Variants in GALNT13 observed in about 807,000 individuals in gnomAD.
GALNT13 encodes the protein polypeptide N-acetylgalactosaminyltransferase 13, also known as UDP-GalNAc:polypeptide N-acetylgalactosaminyltransferase 13.
A neutral mutation model predicts 64.2 loss-of-function variants in GALNT13; 28 were observed. That is an observed-to-expected ratio of 0.44 (90% CI 0.32 to 0.60). The LOEUF (loss-of-function observed/expected upper bound fraction) is 0.60, where lower values mean the gene tolerates loss of function less well. Ranked by LOEUF, GALNT13 falls within the 20% of genes least tolerant of loss-of-function variation. The pLI, the probability that GALNT13 is intolerant of heterozygous loss-of-function variation, is 0.05. For synonymous variants in GALNT13, 214 were observed against 224.6 expected, an observed-to-expected ratio of 0.95 and a Z score of 0.42; for missense variants, 577 against 669.8, an observed-to-expected ratio of 0.86 and a Z score of 1.53.
chr2:153,479,223 C>G, the GALNT13 span, among the ~76,000 whole-genome samples: 1 of 152,156 alleles, frequency 6.6e-6, no homozygotes, highest in East Asian at 1.9e-4. Flanking sequence ...GCTGAGGCCA[C>G]CCGCCCACTG....
the GALNT13 span, among the ~76,000 whole-genome samples, chr2:153,689,535 T>C: frequency 1.3e-5 from 2 of 152,088 alleles, no homozygotes; most frequent in African/African-American, 4.8e-5. Flanking sequence ...TATACTTTTT[T>C]ATCTTCTAGC....
chr2:153,977,559 C>T (rs1475566602), intron 3 of GALNT13, among the ~76,000 whole-genome samples: 2 of 152,148 alleles, frequency 1.3e-5, no homozygotes, highest in South Asian at 4.1e-4. Context: ...ATTACCTCCA[C>T]CTGGTCCCTC....
At chr2:153,392,648 C>T in the GALNT13 span, among the ~76,000 whole-genome samples, 2 of 151,982 alleles carry the variant, frequency 1.3e-5, no homozygotes, top group African/African-American at 4.8e-5. Context: ...GGAGATCAGT[C>T]TTTTTTCTCC....
chr2:153,873,830 C>G (rs1192878771), intron 1 of GALNT13, among the ~76,000 whole-genome samples: 1 of 151,822 alleles, frequency 6.6e-6, no homozygotes, highest in African/African-American at 2.4e-5. Context: ...CTCTCTTTCT[C>G]TCTCTCTCTT....
At chr2:154,150,900 T>C (rs898247593) in intron 4 of GALNT13, among the ~76,000 whole-genome samples, 3 of 152,172 alleles carry the variant, frequency 2.0e-5, no homozygotes, top group Non-Finnish European at 4.4e-5. Flanking sequence ...TCATTAATTT[T>C]TTGAAGGGTT....
At chr2:153,750,457 T>C in the GALNT13 span, among the ~76,000 whole-genome samples, 1 of 151,876 alleles carries the variant, frequency 6.6e-6, no homozygotes, top group Non-Finnish European at 1.5e-5. Flanking sequence ...AGTCCTGGGA[T>C]TTTGTTTACT....
At chr2:153,654,188 A>G in the GALNT13 span, among the ~76,000 whole-genome samples, 2 of 152,158 alleles carry the variant, frequency 1.3e-5, no homozygotes, top group Non-Finnish European at 2.9e-5. Flanking sequence ...GAAATGCAGA[A>G]AACATTACAA....
intron 9 of GALNT13, among the ~76,000 whole-genome samples, chr2:154,335,517 T>C (rs1695394209): frequency 6.6e-6 from 1 of 152,012 alleles, no homozygotes; most frequent in Non-Finnish European, 1.5e-5. Context: ...AGTTTCCTGT[T>C]GTATAGGTGA....
chr2:154,179,462 TTC>T (rs1685837877), intron 4 of GALNT13, among the ~76,000 whole-genome samples: 1 of 152,152 alleles, frequency 6.6e-6, no homozygotes, highest in South Asian at 2.1e-4. Flanking sequence ...TTCCTGTTGA[TTC>T]TCTCATACTC....
At chr2:153,173,885 G>C in the GALNT13 span, among the ~76,000 whole-genome samples, 1 of 152,098 alleles carries the variant, frequency 6.6e-6, no homozygotes, top group Admixed American at 6.5e-5. Context: ...TGTGAAACCA[G>C]ACAAGTTCTA....
the GALNT13 span, among the ~76,000 whole-genome samples, chr2:153,552,538 G>T: frequency 1.4e-5 from 2 of 148,144 alleles, no homozygotes; most frequent in African/African-American, 2.5e-5. Flanking sequence ...ATTGTGGAAT[G>T]AGACTGGTGA....
the GALNT13 span, among the ~76,000 whole-genome samples, chr2:153,580,130 C>T: frequency 2.0e-5 from 3 of 152,102 alleles, no homozygotes; most frequent in African/African-American, 7.2e-5. Context: ...CTCCTCTTCT[C>T]AGGGAAACAA....
the GALNT13 span, among the ~76,000 whole-genome samples, chr2:153,670,415 G>A: frequency 6.6e-6 from 1 of 152,198 alleles, no homozygotes; most frequent in Non-Finnish European, 1.5e-5. Flanking sequence ...ACAGGGTATG[G>A]AGTGAACCTC....
At chr2:153,354,373 A>G in the GALNT13 span, 1 of 152,192 alleles carries the variant, frequency 6.6e-6, no homozygotes, top group Non-Finnish European at 1.5e-5. Context: ...GGGTGGAAAA[A>G]TGTTAAACTG....
the GALNT13 span, among the ~76,000 whole-genome samples, chr2:153,740,203 T>C: frequency 1.3e-5 from 2 of 151,726 alleles, no homozygotes; most frequent in Non-Finnish European, 2.9e-5. Context: ...ACTTCTCTTC[T>C]ACTGGGACTC....
intron 2 of GALNT13, among the ~76,000 whole-genome samples, chr2:153,936,300 T>A (rs1268387891): frequency 6.6e-6 from 1 of 152,228 alleles, no homozygotes; most frequent in Non-Finnish European, 1.5e-5. Flanking sequence ...AATATGTGCA[T>A]AGGTTATATA....
the GALNT13 span, among the ~76,000 whole-genome samples, chr2:153,070,509 A>G: frequency 6.6e-6 from 1 of 152,190 alleles, no homozygotes; most frequent in African/African-American, 2.4e-5. Flanking sequence ...GTTGTGGCAA[A>G]TGTACCACAC....
At chr2:153,894,180 A>C (rs1381073134) in intron 1 of GALNT13, among the ~76,000 whole-genome samples, 1 of 152,036 alleles carries the variant, frequency 6.6e-6, no homozygotes, top group Non-Finnish European at 1.5e-5. Context: ...CATTCAATGA[A>C]AAAAAATGAA....
chr2:153,697,537 T>C, the GALNT13 span, among the ~76,000 whole-genome samples: 1 of 152,322 alleles, frequency 6.6e-6, no homozygotes, highest in Non-Finnish European at 1.5e-5. Flanking sequence ...TGTGTGAATA[T>C]GTAAGAGAAA....
Sources: gnomAD v4.1 joint callset for allele counts (sites outside exome capture counted in the v4.1 genomes callset) on GRCh38, gnomAD v4.1.1 for gene constraint, MANE v1.5 for transcripts, NCBI Gene and HGNC (gene_info 2026-07-23, HGNC 2026-07-21) for gene names.